The following NCAM2 variants were observed in gnomAD, a reference collection of about 807,000 sequenced individuals.
NCAM2 encodes N-CAM-2.
In NCAM2, 30 loss-of-function variants were observed where a neutral mutation model predicts 98.1. The observed-to-expected ratio is 0.31, with a 90% CI of 0.23 to 0.41. The LOEUF (loss-of-function observed/expected upper bound fraction) is 0.41, where lower values mean the gene tolerates loss of function less well. NCAM2 is among the 10% of genes least tolerant of loss of function. The pLI is 1.00. For missense variants in NCAM2, 867 were observed against 1,005.8 expected (o/e 0.86, Z 1.87); for synonymous variants, 368 against 342.4 (o/e 1.07, Z -0.83).
At chr21:21,351,587 A>G (rs2075341711) in intron 8 of NCAM2, among the ~76,000 whole-genome samples, 1 of 152,206 alleles carries the variant, frequency 6.6e-6, no homozygotes, top group African/African-American at 2.4e-5. Flanking sequence ...TCTTTATTAA[A>G]TTAAACCATG....
chr21:21,379,912 C>T (rs991372328), intron 9 of NCAM2, among the ~76,000 whole-genome samples: 3 of 152,118 alleles, frequency 2.0e-5, no homozygotes, highest in Admixed American at 1.3e-4. Flanking sequence ...AAACCCAGTC[C>T]GAGTCCCATA....
At chr21:21,452,092 A>G (rs181557176) in intron 12 of NCAM2, among the ~76,000 whole-genome samples, 324 of 150,832 alleles carry the variant, frequency 2.1e-3, no homozygotes, top group Non-Finnish European at 3.7e-3. Context: ...GATATAGTTT[A>G]TTAGTGACTT....
intron 8 of NCAM2, among the ~76,000 whole-genome samples, chr21:21,343,843 C>T (rs548545943): frequency 3.9e-4 from 59 of 152,224 alleles, no homozygotes; most frequent in African/African-American, 1.3e-3. Context: ...AGAGTCCTAG[C>T]GCTGAACTGG....
At chr21:21,056,486 A>ATG (rs1403525434) in intron 1 of NCAM2, among the ~76,000 whole-genome samples, 5 of 57,508 alleles carry the variant, frequency 8.7e-5, no homozygotes, top group East Asian at 1.4e-3. Context: ...TGACAGAGAT[A>ATG]TGTCTGTGTG....
chr21:21,402,132 G>A (rs1305759767), intron 9 of NCAM2, among the ~76,000 whole-genome samples: 1 of 152,090 alleles, frequency 6.6e-6, no homozygotes, highest in Non-Finnish European at 1.5e-5. Flanking sequence ...GCGATTTTAG[G>A]GAACAAGGGA....
intron 9 of NCAM2, among the ~76,000 whole-genome samples, chr21:21,380,364 A>T (rs543427094): frequency 3.9e-4 from 59 of 152,292 alleles, no homozygotes; most frequent in African/African-American, 1.3e-3. Flanking sequence ...AGACACATAA[A>T]CATTTATACT....
intron 15 of NCAM2, among the ~76,000 whole-genome samples, chr21:21,478,746 T>C (rs553210074): frequency 7.4e-4 from 112 of 152,286 alleles, no homozygotes; most frequent in Non-Finnish European, 1.3e-3. Flanking sequence ...CCCTTCTGCA[T>C]TGATTATGTC....
chr21:21,415,518 G>T (rs1015510855), intron 10 of NCAM2, among the ~76,000 whole-genome samples: 2 of 151,776 alleles, frequency 1.3e-5, no homozygotes, highest in Non-Finnish European at 2.9e-5. Context: ...TGTACTTTTA[G>T]TAGAGACAGG....
intron 8 of NCAM2, among the ~76,000 whole-genome samples, chr21:21,358,333 C>T (rs1286574973): frequency 2.0e-5 from 3 of 151,984 alleles, no homozygotes; most frequent in Non-Finnish European, 4.4e-5. Context: ...ACTGCACCTA[C>T]CTTTCAGATC....
chr21:21,338,184 A>G (rs985098636), intron 7 of NCAM2, among the ~76,000 whole-genome samples: 1 of 152,078 alleles, frequency 6.6e-6, no homozygotes, highest in Non-Finnish European at 1.5e-5. Context: ...TATAATGGTA[A>G]CAGATGAGTT....
chr21:21,033,004 G>C (rs1012066799), intron 1 of NCAM2, among the ~76,000 whole-genome samples: 1 of 151,558 alleles, frequency 6.6e-6, no homozygotes, highest in African/African-American at 2.4e-5. Context: ...GAGTGCAATG[G>C]TATGATCTCG....
intron 16 of NCAM2, among the ~76,000 whole-genome samples, chr21:21,514,514 C>T (rs1988601120): frequency 6.8e-6 from 1 of 147,918 alleles, no homozygotes; most frequent in South Asian, 2.1e-4. Context: ...CTCTGGTGAA[C>T]AGAAGTGCCT....
At chr21:21,235,193 GAT>G (rs1347617066) in intron 1 of NCAM2, among the ~76,000 whole-genome samples, 6 of 151,642 alleles carry the variant, frequency 4.0e-5, no homozygotes, top group Non-Finnish European at 8.8e-5. Context: ...TAGTAAGAAA[GAT>G]ATTTTTATAA....
intron 16 of NCAM2, among the ~76,000 whole-genome samples, chr21:21,521,833 G>C (rs564475963): frequency 3.9e-4 from 59 of 149,572 alleles, no homozygotes; most frequent in African/African-American, 1.4e-3. Context: ...ACAAAGACAG[G>C]GAGAAATAAA....
At chr21:21,478,715 CT>C (rs1183194995) in intron 15 of NCAM2, among the ~76,000 whole-genome samples, 2 of 151,944 alleles carry the variant, frequency 1.3e-5, no homozygotes, top group Non-Finnish European at 1.5e-5. Context: ...ATTTTAAGGA[CT>C]TTTTTTACTA....
At chr21:21,475,971 T>G (rs2075099905) in intron 14 of NCAM2, among the ~76,000 whole-genome samples, 2 of 152,172 alleles carry the variant, frequency 1.3e-5, no homozygotes, top group Admixed American at 1.3e-4. Flanking sequence ...CTTGCCTCCT[T>G]CTGAAGGACA....
At chr21:21,317,875 T>C (rs1355408543) in intron 5 of NCAM2, among the ~76,000 whole-genome samples, 3 of 152,140 alleles carry the variant, frequency 2.0e-5, no homozygotes, top group Non-Finnish European at 4.4e-5. Flanking sequence ...TTCTAGTCCA[T>C]TTTGTACCCC....
intron 1 of NCAM2, among the ~76,000 whole-genome samples, chr21:21,099,050 T>C (rs1312509723): frequency 6.6e-6 from 1 of 151,908 alleles, no homozygotes; most frequent in Admixed American, 6.6e-5. Context: ...TGTGTGTCAG[T>C]GGACCTCTGT....
Position 21,284,214 on chromosome 21 carries a change from A to G in NCAM2, c.151A>G (p.Ile51Val), listed in dbSNP as rs1381009551. Residue 51 changes from isoleucine (I) to valine (V), a missense_variant, in exon 3 of 18, where the codon ATA (isoleucine) becomes GTA (valine). Physicochemically the swap from Ile to Val is conservative, Grantham distance 29. Coordinates refer to ENST00000400546, the MANE Select transcript of NCAM2 (RefSeq NM_004540.5). ...TCTAIGEPESIDWYNPQGEKI... is the reference protein window; with the variant it reads ...TCTAIGEPESVDWYNPQGEKI... ...TGCAGCGATTGGTGAACCTGAAAGTATAGATTGGTATAATCCTCAAGGAGA... is the reference window on the plus strand; with the variant it reads ...TGCAGCGATTGGTGAACCTGAAAGTGTAGATTGGTATAATCCTCAAGGAGA... 9 of 1,611,964 alleles carry G rather than the reference A, an allele frequency of 5.6e-6. No individual in the cohort carries two copies. Among genetic ancestry groups the G allele is most frequent in the Non-Finnish European group, 8.5e-7 (1 of 1,178,332 alleles).
Sources: gnomAD v4.1 joint callset for allele counts (sites outside exome capture counted in the v4.1 genomes callset) on GRCh38, gnomAD v4.1.1 for gene constraint, MANE v1.5 for transcripts, NCBI Gene and HGNC (gene_info 2026-07-23, HGNC 2026-07-21) for gene names.